USP9X: variants seen among roughly 807,000 people sequenced by gnomAD.
USP9X encodes ubiquitin carboxyl-terminal hydrolase 9X.
A neutral mutation model predicts 190.3 loss-of-function variants in USP9X; 7 were observed. That is an observed-to-expected ratio of 0.04 (90% CI 0.02 to 0.07). USP9X has a LOEUF of 0.07. Ranked by LOEUF, USP9X falls within the 10% of genes least tolerant of loss-of-function variation. The pLI is 1.00. For missense variants in USP9X, 1,010 were observed against 1,916.9 expected (o/e 0.53, Z 8.83); for synonymous variants, 645 against 659.5 (o/e 0.98, Z 0.34).
At chrX:41,206,916 CAG>C (rs928213031) in intron 32 of USP9X, among the ~76,000 whole-genome samples, 17 of 106,911 alleles carry the variant, frequency 1.6e-4, no homozygotes, top group African/African-American at 2.4e-4. Flanking sequence ...CTAGGGTTAA[CAG>C]GGGTTACAGG....
intron 6 of USP9X, among the ~76,000 whole-genome samples, chrX:41,138,118 C>T (rs945650345): frequency 7.2e-5 from 8 of 111,173 alleles, no homozygotes; most frequent in Non-Finnish European, 1.5e-4. Flanking sequence ...AATATAGTTG[C>T]GAATCAAGGA....
At chrX:41,175,873 T>C (rs752033325) in intron 21 of USP9X, among the ~76,000 whole-genome samples, 1 of 110,527 alleles carries the variant, frequency 9.0e-6, no homozygotes, top group African/African-American at 3.3e-5. Flanking sequence ...TCATTCTAGT[T>C]TTCTCCCTTT....
In USP9X at chrX:41,123,552, A is replaced by G; in HGVS notation, c.-77A>G. Reference sequence around the variant, plus strand: ...GACAAATGCTGGTACTTCATCTTCTATAAGTGGACTATAATTTCTTTTCTC... The same window carrying G: ...GACAAATGCTGGTACTTCATCTTCTGTAAGTGGACTATAATTTCTTTTCTC... On this transcript the variant is annotated 5_prime_UTR_variant, in exon 2 of 45. Transcript: ENST00000378308. 5.8e-6 allele frequency: 5 copies of G among 856,531 alleles called. No homozygotes were observed. The highest frequency in any genetic ancestry group is 3.3e-5 in the East Asian group (1 of 30,001). 70.6% of individuals were successfully genotyped at this position (856,531 alleles called of 1,213,427 possible).
chrX:41,117,580 T>C (rs1255572289), intron 1 of USP9X, among the ~76,000 whole-genome samples: 3 of 88,877 alleles, frequency 3.4e-5, no homozygotes, highest in Non-Finnish European at 6.4e-5. Flanking sequence ...TTTCTTCTTC[T>C]TTTTTTTTTT....
chrX:41,099,100 T>TTTTTTTTTTTTG (rs2062016244), intron 1 of USP9X, among the ~76,000 whole-genome samples: 1 of 45,628 alleles, frequency 2.2e-5, no homozygotes, highest in African/African-American at 7.7e-5. Context: ...ATAATTGTTT[T>TTTTTTTTTTTTG]TTTTTTTTTT....
intron 13 of USP9X, among the ~76,000 whole-genome samples, chrX:41,152,344 A>G: frequency 8.9e-6 from 1 of 112,008 alleles, no homozygotes; most frequent in African/African-American, 3.2e-5. Flanking sequence ...ATACTCTCCC[A>G]AGAACAGTGG....
intron 33 of USP9X, 76 bp downstream of exon 33, chrX:41,210,758 TTACA>T (rs2147230513): frequency 2.0e-6 from 2 of 997,052 alleles, no homozygotes; most frequent in South Asian, 2.3e-5. Context: ...TTACTAGTAC[TTACA>T]TACAAAAGTG....
intron 1 of USP9X, among the ~76,000 whole-genome samples, chrX:41,116,587 T>A (rs560402724): frequency 8.9e-5 from 10 of 112,622 alleles, no homozygotes; most frequent in African/African-American, 3.2e-4. Context: ...GTATCTGTGA[T>A]AAGTTTTTTT....
At chrX:41,216,736 G>GT in intron 35 of USP9X, 84 bp downstream of exon 35, 1 of 1,028,921 alleles carries the variant, frequency 9.7e-7, no homozygotes, top group Admixed American at 3.2e-5. Flanking sequence ...TAAAATTAAT[G>GT]TTTTCACTTT....
intron 24 of USP9X, 129 bp from the exon 25 acceptor site, chrX:41,187,863 T>A: frequency 1.6e-6 from 1 of 616,865 alleles, no homozygotes; most frequent in Non-Finnish European, 2.3e-6. Flanking sequence ...CAAAGGCAAC[T>A]TGGGAATTTA....
At position 41,171,829 on chromosome X, in the gene USP9X, A is replaced by G; in HGVS notation, c.3028-9A>G. The G allele has an allele frequency of 1.7e-6, 2 of 1,204,843 alleles. No homozygotes were observed. Among genetic ancestry groups the G allele is most frequent in the Non-Finnish European group, 2.2e-6 (2 of 891,879 alleles). On this transcript the variant is annotated splice_polypyrimidine_tract_variant and intron_variant, in intron 20 of 44. Transcript: ENST00000378308. ...TAGAGGTAATTATTTTGTGTATTTT[A>G]TATTCTAGATAATGTCACTGCATCC...
At chrX:41,130,078 T>G (rs1299607188) in intron 3 of USP9X, among the ~76,000 whole-genome samples, 1 of 111,975 alleles carries the variant, frequency 8.9e-6, no homozygotes. Flanking sequence ...AATCAATACA[T>G]TCTTCAGATT....
chrX:41,195,949 A>T (rs1438288271), intron 26 of USP9X: 2 of 416,288 alleles, frequency 4.8e-6, no homozygotes, highest in Non-Finnish European at 8.9e-6. Flanking sequence ...ATTGTAGTAG[A>T]GCATTTGGTA....
chrX:41,231,291 A>G (rs948378452), intron 44 of USP9X, among the ~76,000 whole-genome samples: 6 of 111,720 alleles, frequency 5.4e-5, no homozygotes, highest in African/African-American at 2.0e-4. Flanking sequence ...ATTTCTAGCA[A>G]GTTCCCAAGT....
chrX:41,194,446 C>T (rs1044598123), intron 26 of USP9X, among the ~76,000 whole-genome samples: 7 of 110,983 alleles, frequency 6.3e-5, no homozygotes, highest in African/African-American at 2.3e-4. Context: ...CCCAACTACT[C>T]GGGAGGCTGA....
At chrX:41,170,264 A>G (rs181961356) in intron 19 of USP9X, 29 bp downstream of exon 19, 2 of 1,177,914 alleles carry the variant, frequency 1.7e-6, no homozygotes, top group Non-Finnish European at 2.3e-6. Flanking sequence ...CAGATTTTTC[A>G]ATAAAATCAA....
chrX:41,180,024 G>T (rs938238952), intron 21 of USP9X, among the ~76,000 whole-genome samples: 1 of 111,157 alleles, frequency 9.0e-6, no homozygotes, highest in Non-Finnish European at 1.9e-5. Flanking sequence ...ATTTTAGTGG[G>T]GTTTGGGGAT....
At chrX:41,218,985 G>A (rs2063237271) in intron 37 of USP9X, 117 bp from the exon 38 acceptor site, 6 of 733,473 alleles carry the variant, frequency 8.2e-6, no homozygotes, top group Non-Finnish European at 1.1e-5. Flanking sequence ...TAGTTTGTGT[G>A]ATCAGTCCTT....
At chrX:41,197,541 A>G (rs1475966106) in intron 29 of USP9X, 31 bp downstream of exon 29, 2 of 1,166,037 alleles carry the variant, frequency 1.7e-6, no homozygotes, top group South Asian at 1.9e-5. Context: ...TGTAAGCTAC[A>G]TATCATAACC....
Sources: allele counts gnomAD v4.1 joint callset (sites outside exome capture counted in the v4.1 genomes callset), GRCh38; gene constraint gnomAD v4.1.1; transcripts MANE v1.5; gene names NCBI Gene and HGNC (gene_info 2026-07-23, HGNC 2026-07-21).